LEMD1: variants seen among roughly 807,000 people sequenced by gnomAD.
The protein encoded by LEMD1 is LEM domain-containing protein 1.
In LEMD1, 18 loss-of-function variants were observed where a neutral mutation model predicts 17.4. The ratio of observed to expected loss-of-function variants is 1.04; its 90% CI spans 0.72 to 1.54. LEMD1 has a LOEUF of 1.54. LEMD1 is among the 40% of genes most tolerant of loss of function. The probability of loss-of-function intolerance (pLI) is 0.00; values close to 1 mark genes in which losing one functional copy is unlikely to be tolerated. For synonymous variants in LEMD1, 88 were observed against 77.8 expected (o/e 1.13, Z -0.69); for missense variants, 195 against 210.4 (o/e 0.93, Z 0.45).
At chr1:205,427,149 T>C (rs536831746) in intron 1 of LEMD1, among the ~76,000 whole-genome samples, 69 of 152,228 alleles carry the variant, frequency 4.5e-4, no homozygotes, top group Non-Finnish European at 4.4e-5. Flanking sequence ...GGCTTTCACA[T>C]CTGTGAAATG....
intron 1 of LEMD1, chr1:205,436,625 C>T (rs1170523094): frequency 6.6e-6 from 1 of 152,192 alleles, no homozygotes; most frequent in East Asian, 1.9e-4. Context: ...ACAGCTCTCT[C>T]TTGCTCTTGC....
intron 4 of LEMD1, among the ~76,000 whole-genome samples, chr1:205,393,559 C>G (rs1468478788): frequency 6.6e-6 from 1 of 151,850 alleles, no homozygotes; most frequent in Non-Finnish European, 1.5e-5. Context: ...ACCTGTAATC[C>G]CAGCTGCTTG....
At chr1:205,421,428 A>G (rs1377177171) in intron 1 of LEMD1, among the ~76,000 whole-genome samples, 1 of 152,254 alleles carries the variant, frequency 6.6e-6, no homozygotes, top group African/African-American at 2.4e-5. Flanking sequence ...TGGAAACAAC[A>G]GCCAGATAAT....
Position 205,417,017 on chromosome 1 carries a change from GGT to G in LEMD1, c.206-723_206-722del, listed in dbSNP as rs1443750485. 2.0e-5 allele frequency among the ~76,000 whole-genome samples: 3 copies of G among 152,278 alleles called. No homozygotes were observed. The East Asian group carries it at 5.8e-4, about 29-fold the overall frequency. On this transcript the variant is annotated intron_variant, in intron 3 of 5. Coordinates refer to ENST00000367153, the MANE Select transcript of LEMD1 (RefSeq NM_001199050.2). ...CCACTACAAGCCCATTCCAGGACTA[GGT>G]GTTTCCATGAAAGGAGAAGGCTAAG...
chr1:205,425,228 T>G (rs1642170537), upstream of LEMD1, among the ~76,000 whole-genome samples: 1 of 152,214 alleles, frequency 6.6e-6, no homozygotes, highest in African/African-American at 2.4e-5. Flanking sequence ...CCAGCAGCAA[T>G]GCAGATAATC....
intron 4 of LEMD1, among the ~76,000 whole-genome samples, chr1:205,414,681 C>T (rs111855475): frequency 6.6e-6 from 1 of 152,096 alleles, no homozygotes; most frequent in African/African-American, 2.4e-5. Flanking sequence ...ACCTTGGCCT[C>T]CTAAAGTGCT....
At chr1:205,408,358 A>T (rs1189867788) in intron 4 of LEMD1, among the ~76,000 whole-genome samples, 5 of 150,970 alleles carry the variant, frequency 3.3e-5, no homozygotes, top group Non-Finnish European at 7.4e-5. Context: ...CACTCCTCAA[A>T]TGTGGTACCA....
chr1:205,424,351 A>G (rs1666029346), upstream of LEMD1, among the ~76,000 whole-genome samples: 1 of 152,182 alleles, frequency 6.6e-6, no homozygotes, highest in South Asian at 2.1e-4. Context: ...GGGAAAAGGG[A>G]GAAGTTTGGG....
rs556970877 is a variant in LEMD1 at position 205,394,351 on chromosome 1, C to A, written c.271-9987G>T. ...GTACTAGATGCCACTGGATTGTGAA[C>A]TGTATTATTTGTTTATTTAATTAAT... On this transcript the variant is annotated intron_variant, in intron 4 of 5. Transcript: ENST00000367153. Among the ~76,000 whole-genome samples the A allele has an allele frequency of 3.4e-5, 5 of 146,934 alleles. No homozygotes were observed. The South Asian group carries it at 8.8e-4, about 26-fold the overall frequency.
chr1:205,429,915 G>A (rs1247440740), intron 1 of LEMD1, among the ~76,000 whole-genome samples: 1 of 152,112 alleles, frequency 6.6e-6, no homozygotes. Flanking sequence ...GCCAGGCCGC[G>A]GACTGCCTAA....
At chr1:205,383,888 A>G (rs1663852572) in intron 5 of LEMD1, among the ~76,000 whole-genome samples, 1 of 151,536 alleles carries the variant, frequency 6.6e-6, no homozygotes, top group South Asian at 2.1e-4. Flanking sequence ...CATCTGCCTC[A>G]GCCTCCCAAA....
At chr1:205,405,596 C>T (rs1574970509) in intron 4 of LEMD1, among the ~76,000 whole-genome samples, 1 of 149,250 alleles carries the variant, frequency 6.7e-6, no homozygotes, top group Non-Finnish European at 1.5e-5. Context: ...TCTAGTTATA[C>T]ATTCATCTAA....
At chr1:205,396,717 A>T (rs1305736817) in intron 4 of LEMD1, among the ~76,000 whole-genome samples, 1 of 152,250 alleles carries the variant, frequency 6.6e-6, no homozygotes, top group Non-Finnish European at 1.5e-5. Context: ...TTTAAATGAA[A>T]TACAAAATCA....
chr1:205,427,682 A>T (rs1182392021), intron 1 of LEMD1, among the ~76,000 whole-genome samples: 2 of 152,218 alleles, frequency 1.3e-5, no homozygotes, highest in South Asian at 2.1e-4. Flanking sequence ...CATGGCTTAA[A>T]GGAGACTCTG....
intron 5 of LEMD1, among the ~76,000 whole-genome samples, chr1:205,384,059 G>A (rs962190079): frequency 1.3e-5 from 2 of 151,490 alleles, no homozygotes; most frequent in Admixed American, 6.6e-5. Flanking sequence ...AGTCCACTGC[G>A]ACTTTTGCCC....
At chr1:205,382,085 T>C (rs1044091187) in intron 5 of LEMD1, 1 of 539,380 alleles carries the variant, frequency 1.9e-6, no homozygotes, top group Non-Finnish European at 3.3e-6. Context: ...CACTGCAGCC[T>C]TAACCTCCTG....
At chr1:205,440,226 G>A (rs1666270164) in intron 1 of LEMD1, among the ~76,000 whole-genome samples, 1 of 152,186 alleles carries the variant, frequency 6.6e-6, no homozygotes, top group Admixed American at 6.5e-5. Context: ...ATGCTGGCAA[G>A]GAGGCACAGG....
At chr1:205,423,049 T>G (rs921829162), upstream of LEMD1, among the ~76,000 whole-genome samples, 2 of 152,232 alleles carry the variant, frequency 1.3e-5, no homozygotes, top group Non-Finnish European at 1.5e-5. Context: ...TCATGAGCCC[T>G]AGCCCCAGAG....
At chr1:205,442,926 G>A (rs1182565110) in intron 1 of LEMD1, among the ~76,000 whole-genome samples, 1 of 152,128 alleles carries the variant, frequency 6.6e-6, no homozygotes, top group African/African-American at 2.4e-5. Flanking sequence ...GTCATCCTAA[G>A]CAAGTGGCTA....
Sources: gnomAD v4.1 joint callset for allele counts (sites outside exome capture counted in the v4.1 genomes callset) on GRCh38, gnomAD v4.1.1 for gene constraint, MANE v1.5 for transcripts, NCBI Gene and HGNC (gene_info 2026-07-23, HGNC 2026-07-21) for gene names.